Variants in PIWIL3 observed in about 807,000 individuals in gnomAD.
PIWIL3 encodes piwi-like protein 3.
A neutral mutation model predicts 109.7 loss-of-function variants in PIWIL3; 101 were observed. The observed-to-expected ratio is 0.92, with a 90% CI of 0.78 to 1.09. PIWIL3 has a LOEUF of 1.09. Ranked by LOEUF, PIWIL3 falls within the 50% of genes least tolerant of loss-of-function variation. PIWIL3 has a pLI of 0.00. For missense variants in PIWIL3, 1,031 were observed against 1,072.6 expected (o/e 0.96, Z 0.54); for synonymous variants, 373 against 376.4 (o/e 0.99, Z 0.10).
In PIWIL3 at chr22:24,719,910, CAT is replaced by C. The variant is rs1336061800; in HGVS notation, c.2358-17_2358-16del. On this transcript the variant is annotated splice_polypyrimidine_tract_variant and intron_variant, in intron 19 of 20. Transcript: ENST00000616349. ...AAAAGTCATACCTGGAAATATAGGACATGTGGGTATCAGCTCATTTTAGAAAG... is the reference window on the plus strand; with the variant it reads ...AAAAGTCATACCTGGAAATATAGGACGTGGGTATCAGCTCATTTTAGAAAG... 6.3e-7 allele frequency: 1 copy of C among 1,597,256 alleles called. No individual in the cohort carries two copies. The highest frequency in any genetic ancestry group is 1.7e-5 in the Admixed American group (1 of 58,914).
chr22:24,756,505 G>C lies in PIWIL3; in HGVS notation c.556C>G (p.Pro186Ala). 1.9e-6 allele frequency: 3 copies of C among 1,613,446 alleles called. No individual in the cohort carries two copies. Among genetic ancestry groups the C allele is most frequent in the Non-Finnish European group, 2.5e-6 (3 of 1,179,690 alleles). Residue 186 changes from proline to alanine, a missense_variant, in exon 5 of 21, where the codon CCA becomes GCA. Pro to Ala is a conservative substitution (Grantham distance 27). Coordinates refer to ENST00000616349, the MANE Select transcript of PIWIL3 (RefSeq NM_001255975.1). The part of the protein sequence containing the change: ...FDGNSLLLSR[P>A]LKERRVEWLS... ...CATTACTTAACCCGCTCTTTTAGTG[G>C]CCGAGATAATAATAAAGAGTTTCCA...
chr22:24,734,653 G>C (rs952743476), intron 13 of PIWIL3, among the ~76,000 whole-genome samples: 1 of 152,032 alleles, frequency 6.6e-6, no homozygotes, highest in Non-Finnish European at 1.5e-5. Flanking sequence ...ACAGTTTTGA[G>C]AGTTTTACCT....
At chr22:24,766,380 G>A (rs975148128) in intron 1 of PIWIL3, among the ~76,000 whole-genome samples, 5 of 151,800 alleles carry the variant, frequency 3.3e-5, no homozygotes, top group Admixed American at 1.3e-4. Context: ...GTACAGTGGC[G>A]TGATCTCAGC....
intron 1 of PIWIL3, among the ~76,000 whole-genome samples, chr22:24,763,236 C>G (rs1925556232): frequency 6.6e-6 from 1 of 151,954 alleles, no homozygotes; most frequent in Non-Finnish European, 1.5e-5. Flanking sequence ...CCTCTGCCTC[C>G]CGGGCTCAAG....
chr22:24,762,320 G>A (rs754798896), intron 2 of PIWIL3, 78 bp downstream of exon 2: 242 of 1,524,092 alleles, frequency 1.6e-4, no homozygotes, highest in Non-Finnish European at 1.8e-4. Context: ...AACTAGCTTC[G>A]CTCAACAACC....
intron 14 of PIWIL3, among the ~76,000 whole-genome samples, chr22:24,729,358 G>T (rs1285356793): frequency 6.6e-6 from 1 of 152,014 alleles, no homozygotes; most frequent in Non-Finnish European, 1.5e-5. Flanking sequence ...ACGACGAGAC[G>T]GTTTCATTGA....
At chr22:24,741,534 C>A (rs1924011010) in intron 12 of PIWIL3, among the ~76,000 whole-genome samples, 1 of 151,972 alleles carries the variant, frequency 6.6e-6, no homozygotes, top group South Asian at 2.1e-4. Context: ...ACAAAAAAAC[C>A]AACCACCCAC....
At chr22:24,723,744 G>C (rs148475386) in intron 18 of PIWIL3, among the ~76,000 whole-genome samples, 1 of 151,742 alleles carries the variant, frequency 6.6e-6, no homozygotes, top group Admixed American at 6.6e-5. Flanking sequence ...GTGTGATCTC[G>C]GCTCACTGCA....
chr22:24,724,800 G>A, intron 18 of PIWIL3, 87 bp downstream of exon 18: 1 of 1,423,590 alleles, frequency 7.0e-7, no homozygotes, highest in South Asian at 1.3e-5. Flanking sequence ...TTGAACTCCT[G>A]GGCTCAAGGG....
chr22:24,765,857 GA>G (rs397934346), intron 1 of PIWIL3, among the ~76,000 whole-genome samples: 1 of 151,530 alleles, frequency 6.6e-6, no homozygotes, highest in African/African-American at 2.4e-5. Context: ...AAAAAATGGG[GA>G]AAAAAAGCAG....
Position 24,719,492 on chromosome 22 carries a change from T to G in PIWIL3, c.2602A>C (p.Thr868Pro), listed in dbSNP as rs150288142. 288 of 1,591,236 alleles carry G rather than the reference T, an allele frequency of 1.8e-4. 1 individual carries two copies. The Middle Eastern group carries it at 3.2e-3, about 18-fold the overall frequency. The change falls in exon 21 of 21, where the codon ACT becomes CCT. Residue 868 changes from threonine (T) to proline (P), a missense_variant. Physicochemically the swap from Thr to Pro is conservative, Grantham distance 38. Transcript: ENST00000616349. ...GCAGGTCAAAGGTAAAAGAGACGAG[T>G]TGACAAGGAACGATTCGGTTCCTGG... is the stretch of plus-strand genomic sequence containing the variant. ...IHQEPNRSLS[T>P]RLFYL
rs530542670 is a variant in PIWIL3 at position 24,763,167 on chromosome 22, G to A, written c.-22-646C>T. Reference sequence around the variant, plus strand: ...TTTTTTCTTTTTTTTTTTTTTGAGAGGGAGTCTTGCTCTGTCACCCAGGCT... The same window carrying A: ...TTTTTTCTTTTTTTTTTTTTTGAGAAGGAGTCTTGCTCTGTCACCCAGGCT... On this transcript the variant is annotated intron_variant, in intron 1 of 20. Coordinates refer to ENST00000616349, the MANE Select transcript of PIWIL3 (RefSeq NM_001255975.1). Among the ~76,000 whole-genome samples the A allele has an allele frequency of 3.8e-4, 56 of 149,324 alleles. 3 individuals are homozygous for A. In the South Asian group the frequency reaches 0.011, roughly 30 times the overall value.
At chr22:24,736,380 G>T (rs963364109) in intron 12 of PIWIL3, among the ~76,000 whole-genome samples, 1 of 152,174 alleles carries the variant, frequency 6.6e-6, no homozygotes, top group Non-Finnish European at 1.5e-5. Flanking sequence ...AATTTTATTT[G>T]AAGTTTCTTT....
intron 8 of PIWIL3, among the ~76,000 whole-genome samples, chr22:24,752,311 T>C (rs1398640884): frequency 6.6e-6 from 1 of 152,204 alleles, no homozygotes; most frequent in East Asian, 1.9e-4. Flanking sequence ...GAAGCCAGTA[T>C]ATCCAACATG....
In PIWIL3 at chr22:24,719,734, C is replaced by G; in HGVS notation, c.2505+14G>C. 6.2e-7 allele frequency: 1 copy of G among 1,604,768 alleles called. No individual in the cohort carries two copies. The highest frequency in any genetic ancestry group is 8.5e-7 in the Non-Finnish European group (1 of 1,172,314). ...TTAAAAAATCTGAAGAAAAAAGTAA[C>G]AAAAAGTACTTACTGGCAAATTATA... On this transcript the variant is annotated intron_variant, in intron 20 of 20. Transcript: ENST00000616349.
chr22:24,764,849 A>C (rs1399576079), intron 1 of PIWIL3, among the ~76,000 whole-genome samples: 6 of 152,196 alleles, frequency 3.9e-5, no homozygotes, highest in Non-Finnish European at 8.8e-5. Context: ...GATGAAGACT[A>C]GAAGTTTTAG....
chr22:24,763,812 TC>T (rs1925604951), intron 1 of PIWIL3, among the ~76,000 whole-genome samples: 1 of 136,714 alleles, frequency 7.3e-6, no homozygotes, highest in African/African-American at 2.7e-5. Flanking sequence ...GAGTGGGACC[TC>T]CGCCCACCAT....
At chr22:24,766,213 C>T (rs894335029) in intron 1 of PIWIL3, among the ~76,000 whole-genome samples, 1 of 152,048 alleles carries the variant, frequency 6.6e-6, no homozygotes, top group African/African-American at 2.4e-5. Flanking sequence ...TCTTGAGCTC[C>T]TGAGCTCAAG....
chr22:24,747,417 C>T (rs1256199648), intron 12 of PIWIL3, among the ~76,000 whole-genome samples: 1 of 152,060 alleles, frequency 6.6e-6, no homozygotes, highest in Admixed American at 6.6e-5. Flanking sequence ...TTGAGCAATA[C>T]CCCACAAGCA....
Sources: gnomAD v4.1 joint callset for allele counts (sites outside exome capture counted in the v4.1 genomes callset) on GRCh38, gnomAD v4.1.1 for gene constraint, MANE v1.5 for transcripts, NCBI Gene and HGNC (gene_info 2026-07-23, HGNC 2026-07-21) for gene names.